The following CSMD1 variants were observed in gnomAD, a reference collection of about 807,000 sequenced individuals.
CSMD1 encodes the protein CUB and sushi domain-containing protein 1.
In CSMD1, 213 loss-of-function variants were observed where a neutral mutation model predicts 417.5. That is an observed-to-expected ratio of 0.51 (90% CI 0.46 to 0.57). The LOEUF is 0.57. Among genes scored for constraint, CSMD1 ranks in the 20% least tolerant of loss-of-function variants. The probability of loss-of-function intolerance (pLI) is 0.00; values close to 1 mark genes in which losing one functional copy is unlikely to be tolerated. For missense variants in CSMD1, 6,923 were observed against 4,529.7 expected (o/e 1.53, Z -15.17); for synonymous variants, 2,862 against 1,736.8 (o/e 1.65, Z -16.11).
chr8:4,917,651 G>GAAATAAAATA (rs56257972), intron 1 of CSMD1, among the ~76,000 whole-genome samples: 2 of 151,026 alleles, frequency 1.3e-5, no homozygotes, highest in African/African-American at 4.9e-5. Context: ...ATAAATAAAT[G>GAAATAAAATA]AAATAAAATA....
chr8:3,950,206 C>T (rs1811512805), intron 5 of CSMD1, among the ~76,000 whole-genome samples: 1 of 152,172 alleles, frequency 6.6e-6, no homozygotes, highest in Non-Finnish European at 1.5e-5. Flanking sequence ...CCAATACTGA[C>T]TGTGAAGTTT....
At chr8:3,067,748 TA>T (rs201376999) in intron 49 of CSMD1, among the ~76,000 whole-genome samples, 2,305 of 151,918 alleles carry the variant, frequency 0.015, 25 homozygotes, top group East Asian at 0.039. Flanking sequence ...TATCAAATAT[TA>T]ATGTTTAATA....
At chr8:3,785,334 G>C (rs572884455) in intron 5 of CSMD1, among the ~76,000 whole-genome samples, 5 of 151,998 alleles carry the variant, frequency 3.3e-5, no homozygotes, top group Admixed American at 2.6e-4. Flanking sequence ...AATGCCCCGG[G>C]CAAGGCCTCA....
intron 7 of CSMD1, among the ~76,000 whole-genome samples, chr8:3,677,007 G>A (rs555976960): frequency 1.3e-5 from 2 of 152,002 alleles, no homozygotes; most frequent in African/African-American, 4.8e-5. Flanking sequence ...CTGTTGCGGG[G>A]TTGGGGGCAA....
At chr8:2,943,492 T>G (rs893827144) in intron 68 of CSMD1, among the ~76,000 whole-genome samples, 26 of 152,142 alleles carry the variant, frequency 1.7e-4, no homozygotes, top group African/African-American at 6.3e-4. Context: ...CCTCGAAAAG[T>G]GCTGGAATTA....
chr8:4,275,905 A>G (rs1393087376), intron 3 of CSMD1, among the ~76,000 whole-genome samples: 1 of 152,206 alleles, frequency 6.6e-6, no homozygotes, highest in East Asian at 1.9e-4. Flanking sequence ...TTGCACAAAA[A>G]CAGGATTGTT....
intron 2 of CSMD1, among the ~76,000 whole-genome samples, chr8:4,579,797 T>C (rs1039895538): frequency 6.6e-6 from 1 of 152,220 alleles, no homozygotes. Flanking sequence ...CATTATTGGC[T>C]TACTTGTGTT....
intron 1 of CSMD1, among the ~76,000 whole-genome samples, chr8:4,987,911 C>T (rs1053341185): frequency 1.3e-5 from 2 of 152,188 alleles, no homozygotes; most frequent in Non-Finnish European, 1.5e-5. Context: ...CAGTGGTTTT[C>T]CGGGGTGTCT....
At chr8:4,699,114 CTCAA>C (rs1807336348) in intron 1 of CSMD1, among the ~76,000 whole-genome samples, 1 of 152,152 alleles carries the variant, frequency 6.6e-6, no homozygotes, top group Non-Finnish European at 1.5e-5. Context: ...TTTCTCATTA[CTCAA>C]TCATTTACTT....
chr8:3,235,281 G>A (rs1799083942), intron 26 of CSMD1, among the ~76,000 whole-genome samples: 1 of 152,062 alleles, frequency 6.6e-6, no homozygotes, highest in Non-Finnish European at 1.5e-5. Context: ...AAACCAAGAT[G>A]TTTTCATTTC....
At chr8:4,042,152 A>C (rs1338657594) in intron 3 of CSMD1, among the ~76,000 whole-genome samples, 1 of 152,208 alleles carries the variant, frequency 6.6e-6, no homozygotes, top group East Asian at 1.9e-4. Context: ...AAAATTTACT[A>C]AAACAGTGAA....
chr8:3,578,953 A>G (rs1188009504), intron 9 of CSMD1, among the ~76,000 whole-genome samples: 1 of 152,228 alleles, frequency 6.6e-6, no homozygotes, highest in Non-Finnish European at 1.5e-5. Context: ...GTTTACACAA[A>G]CTATAGTAGA....
chr8:3,811,076 G>A (rs775462970), intron 5 of CSMD1, among the ~76,000 whole-genome samples: 1 of 152,144 alleles, frequency 6.6e-6, no homozygotes. Context: ...TGTTTTTCCT[G>A]AGATCGTGAT....
At chr8:3,984,052 G>A (rs1814117990) in intron 5 of CSMD1, among the ~76,000 whole-genome samples, 1 of 97,958 alleles carries the variant, frequency 1.0e-5, no homozygotes, top group Non-Finnish European at 2.3e-5. Flanking sequence ...ATCTGATGGG[G>A]CTGTCAATTG....
At chr8:4,437,401 G>C (rs1326983635) in intron 2 of CSMD1, among the ~76,000 whole-genome samples, 1 of 152,102 alleles carries the variant, frequency 6.6e-6, no homozygotes. Context: ...ATCATGACTA[G>C]CAAAGTGAGC....
At chr8:3,548,870 C>T (rs535639458) in intron 10 of CSMD1, among the ~76,000 whole-genome samples, 24 of 152,196 alleles carry the variant, frequency 1.6e-4, no homozygotes, top group African/African-American at 3.1e-4. Context: ...GGCTGGGTCC[C>T]GCTCCCTACC....
intron 3 of CSMD1, among the ~76,000 whole-genome samples, chr8:4,072,690 T>A: frequency 6.6e-6 from 1 of 152,184 alleles, no homozygotes; most frequent in East Asian, 1.9e-4. Context: ...CTAGAATGAT[T>A]TCAACTCTGT....
At chr8:3,709,693 T>G (rs1248090736) in intron 6 of CSMD1, among the ~76,000 whole-genome samples, 1 of 121,062 alleles carries the variant, frequency 8.3e-6, no homozygotes, top group Non-Finnish European at 1.8e-5. Flanking sequence ...TTTTTTTTTT[T>G]TTTTTTTTTT....
chr8:4,766,039 G>A (rs974663946), intron 1 of CSMD1, among the ~76,000 whole-genome samples: 2 of 152,076 alleles, frequency 1.3e-5, no homozygotes, highest in African/African-American at 4.8e-5. Context: ...TTACATAAAT[G>A]TTTGGAAACT....
Sources: allele counts gnomAD v4.1 joint callset (sites outside exome capture counted in the v4.1 genomes callset), GRCh38; gene constraint gnomAD v4.1.1; transcripts MANE v1.5; gene names NCBI Gene and HGNC (gene_info 2026-07-23, HGNC 2026-07-21).